Variants in OFD1 observed in about 807,000 individuals in gnomAD.
OFD1 encodes the protein OFD1 centriole and centriolar satellite protein.
A neutral mutation model predicts 81.4 loss-of-function variants in OFD1; 12 were observed. The observed-to-expected ratio is 0.15, with a 90% CI of 0.09 to 0.24. OFD1 has a LOEUF of 0.24. Ranked by LOEUF, OFD1 falls within the 10% of genes least tolerant of loss-of-function variation. The pLI is 1.00. For synonymous variants in OFD1, 256 were observed against 263.7 expected (o/e 0.97, Z 0.28); for missense variants, 685 against 733.9 (o/e 0.93, Z 0.77).
At chrX:13,742,916 T>A (rs2047163320) in intron 5 of OFD1, among the ~76,000 whole-genome samples, 1 of 111,471 alleles carries the variant, frequency 9.0e-6, no homozygotes, top group South Asian at 3.8e-4. Flanking sequence ...CAAATTTAGG[T>A]CAGGTGATCC....
the OFD1 span, chrX:13,721,344 A>C: frequency 1.8e-4 from 20 of 112,308 alleles, no homozygotes; most frequent in Non-Finnish European, 3.0e-4. Flanking sequence ...TGGTGCACTT[A>C]TGAGGATCAC....
chrX:13,718,087 C>T, the OFD1 span, among the ~76,000 whole-genome samples: 1 of 112,341 alleles, frequency 8.9e-6, no homozygotes, highest in African/African-American at 3.2e-5. Flanking sequence ...GGAGCATGGC[C>T]CCACTGACAC....
At chrX:13,772,172 A>G (rs771082796), downstream of OFD1, 1 of 112,800 alleles carries the variant, frequency 8.9e-6, no homozygotes, top group African/African-American at 3.2e-5. Flanking sequence ...GTATTTTGTT[A>G]AAATGAAATC....
chrX:13,751,756 C>T (rs1366769602), intron 10 of OFD1, among the ~76,000 whole-genome samples: 1 of 112,007 alleles, frequency 8.9e-6, no homozygotes, highest in African/African-American at 3.3e-5. Flanking sequence ...ATCACTTGAA[C>T]CCGGGAGGCA....
rs903619265 is a variant in OFD1 at position 13,734,770 on chromosome X, C to G, written c.-302C>G. On this transcript the variant is annotated 5_prime_UTR_variant, in exon 1 of 23. Transcript: ENST00000340096. ...CGGACTGGCTGTGAGGCGGTCCTGC[C>G]TCGCTGCCTTCAGTCCCTAGTGTCT... is the stretch of plus-strand genomic sequence containing the variant. The G allele has an allele frequency of 5.5e-5, 58 of 1,056,968 alleles. No homozygotes were observed. Among genetic ancestry groups the G allele is most frequent in the Non-Finnish European group, 6.8e-5 (56 of 825,983 alleles). 87.1% of individuals were successfully genotyped at this position (1,056,968 alleles called of 1,213,427 possible).
intron 1 of OFD1, 67 bp from the exon 2 acceptor site, chrX:13,735,181 T>C (rs1771969907): frequency 6.7e-6 from 8 of 1,191,694 alleles, no homozygotes; most frequent in Non-Finnish European, 8.0e-6. Context: ...CGGAGGCCAC[T>C]GGTCTGTTTT....
chrX:13,757,562 G>T, intron 13 of OFD1, 98 bp from the exon 14 acceptor site: 1 of 920,336 alleles, frequency 1.1e-6, no homozygotes. Context: ...ACAAAGCAAA[G>T]AACACTTTAA....
rs771071545 is a variant in OFD1, at chrX:13,742,908, A to C, written c.413-1507A>C. Among the ~76,000 whole-genome samples the C allele has an allele frequency of 3.3e-4, 37 of 111,578 alleles. No individual in the cohort carries two copies. The South Asian group carries it at 0.014, about 41-fold the overall frequency. ...TCAAGAGTGAACCTTAATGTTTGCA[A>C]ATTTAGGTCAGGTGATCCCAGGATG... is the stretch of plus-strand genomic sequence containing the variant. On this transcript the variant is annotated intron_variant, in intron 5 of 22. Coordinates refer to ENST00000340096, the MANE Select transcript of OFD1 (RefSeq NM_003611.3).
Position 13,760,308 on chromosome X carries a change from G to A in OFD1, c.1848G>A (p.Val616=), listed in dbSNP as rs1200724381. Reference sequence around the variant, plus strand: ...TCACAAATTATCCAACTGCATGGGTGGAGGGTAGTTCCCCTGATTCTGACC... The same window carrying A: ...TCACAAATTATCCAACTGCATGGGTAGAGGGTAGTTCCCCTGATTCTGACC... The part of the protein sequence containing the change: ...SRITNYPTAW[V]EGSSPDSDLE... The change falls in exon 16 of 23, where the codon GTG becomes GTA. Residue 616 remains valine, a synonymous_variant. Transcript: ENST00000340096. 1.2e-5 allele frequency: 14 copies of A among 1,209,957 alleles called. No homozygotes were observed. Among genetic ancestry groups the A allele is most frequent in the Non-Finnish European group, 1.5e-5 (13 of 895,050 alleles).
At chrX:13,744,582 T>C (rs1250886339) in intron 6 of OFD1, 63 bp downstream of exon 6, 5 of 713,470 alleles carry the variant, frequency 7.0e-6, no homozygotes, top group African/African-American at 6.3e-5. Context: ...AAGGAAATTA[T>C]CTGATTTACC....
At chrX:13,767,773 C>T in intron 20 of OFD1, 2 of 291,762 alleles carry the variant, frequency 6.9e-6, no homozygotes, top group South Asian at 4.1e-5. Context: ...ACTTAACACA[C>T]CTGCTAAGTC....
intron 18 of OFD1, among the ~76,000 whole-genome samples, chrX:13,763,325 G>A (rs2048007247): frequency 8.9e-6 from 1 of 112,325 alleles, no homozygotes; most frequent in Admixed American, 9.4e-5. Context: ...GGTTAGCCTT[G>A]TAAACTTCAT....
chrX:13,767,047 C>A, intron 19 of OFD1, 80 bp from the exon 20 acceptor site: 1 of 1,026,975 alleles, frequency 9.7e-7, no homozygotes, highest in South Asian at 1.9e-5. Context: ...TGGGTCTTGG[C>A]AAGGGCTCCT....
intron 8 of OFD1, among the ~76,000 whole-genome samples, chrX:13,747,570 A>G (rs1332121659): frequency 1.3e-4 from 15 of 111,874 alleles, no homozygotes; most frequent in Admixed American, 9.5e-4. Context: ...AGTGAAGGGA[A>G]GCAGAGGAGA....
intron 9 of OFD1, 114 bp from the exon 10 acceptor site, chrX:13,751,135 A>G (rs1044404259): frequency 2.6e-5 from 17 of 654,937 alleles, no homozygotes; most frequent in Non-Finnish European, 3.8e-5. Flanking sequence ...ACTTCCCAGT[A>G]GTGATATCAT....
At chrX:13,747,614 G>T (rs1334595145) in intron 8 of OFD1, among the ~76,000 whole-genome samples, 1 of 111,893 alleles carries the variant, frequency 8.9e-6, no homozygotes, top group Non-Finnish European at 1.9e-5. Context: ...GGGAAAGGAA[G>T]GGTTGAGTGG....
At chrX:13,758,190 T>A (rs184219278) in intron 14 of OFD1, 147 bp from the exon 15 acceptor site, 4 of 451,263 alleles carry the variant, frequency 8.9e-6, no homozygotes, top group Non-Finnish European at 1.5e-5. Flanking sequence ...TGTTTTTTTT[T>A]AATAGGGACC....
chrX:13,718,438 G>C, the OFD1 span, among the ~76,000 whole-genome samples: 1 of 112,890 alleles, frequency 8.9e-6, no homozygotes, highest in African/African-American at 3.2e-5. Context: ...AAGAAAGTGA[G>C]TGGTAGCAGG....
chrX:13,772,792 T>A, downstream of OFD1: 2 of 870,348 alleles, frequency 2.3e-6, no homozygotes, highest in Non-Finnish European at 3.3e-6. Context: ...CTACATTAGT[T>A]TGGTGGGATA....
Sources: allele counts gnomAD v4.1 joint callset (sites outside exome capture counted in the v4.1 genomes callset), GRCh38; gene constraint gnomAD v4.1.1; transcripts MANE v1.5; gene names NCBI Gene and HGNC (gene_info 2026-07-23, HGNC 2026-07-21).